The following PIR variants were observed in gnomAD, a reference collection of about 807,000 sequenced individuals.
The protein encoded by PIR is pirin (iron-binding nuclear protein).
In PIR, 22 loss-of-function variants were observed where a neutral mutation model predicts 24.2. That is an observed-to-expected ratio of 0.91 (90% CI 0.65 to 1.30). The LOEUF is 1.30. PIR is among the 50% of genes most tolerant of loss of function. PIR has a pLI of 0.00. For missense variants in PIR, 220 were observed against 220.3 expected (o/e 1.00, Z 0.01); for synonymous variants, 80 against 79.6 (o/e 1.00, Z -0.03).
intron 6 of PIR, among the ~76,000 whole-genome samples, chrX:15,424,137 A>T (rs113294342): frequency 0.039 from 4,395 of 112,608 alleles, 216 homozygotes; most frequent in African/African-American, 0.13. Flanking sequence ...TTGCAGCATT[A>T]TTCACAATGT....
chrX:15,430,216 G>GT (rs958974006), intron 5 of PIR, among the ~76,000 whole-genome samples: 78 of 107,772 alleles, frequency 7.2e-4, no homozygotes, highest in East Asian at 3.8e-3. Context: ...TAGTGAATTT[G>GT]TTTTTTTTTC....
chrX:15,476,331 AAAAT>A (rs1191680607), intron 3 of PIR, among the ~76,000 whole-genome samples: 1 of 112,371 alleles, frequency 8.9e-6, no homozygotes, highest in Non-Finnish European at 1.9e-5. Context: ...TTTTTATTAA[AAAAT>A]AAATAAATGG....
intron 6 of PIR, among the ~76,000 whole-genome samples, chrX:15,411,962 CT>C (rs962767671): frequency 5.4e-5 from 6 of 110,758 alleles, no homozygotes; most frequent in Non-Finnish European, 7.6e-5. Context: ...ATATGTCATT[CT>C]TTTTTTTTCT....
rs1394426942 is a variant in PIR, at chrX:15,493,064, A to T, written c.-53+126T>A. 2.7e-5 allele frequency: 3 copies of T among 112,673 alleles called. No individual in the cohort carries two copies. In the Admixed American group the frequency reaches 2.8e-4, roughly 10 times the overall value. 9.3% of individuals were successfully genotyped at this position (112,673 alleles called of 1,213,427 possible). A position where few individuals can be genotyped will look rare whatever the true frequency, so the allele number is the denominator to read the frequency against. On this transcript the variant is annotated intron_variant, in intron 1 of 9. Coordinates refer to ENST00000380420, the MANE Select transcript of PIR (RefSeq NM_001018109.3). ...TACCATTTTCACCAAATTTCGTAGT[A>T]CAATTTAAGTATCTCTTGTTATCTC...
intron 7 of PIR, among the ~76,000 whole-genome samples, chrX:15,405,948 A>G (rs1270431889): frequency 1.8e-5 from 2 of 112,967 alleles, no homozygotes; most frequent in African/African-American, 6.4e-5. Context: ...ATTTCAGGCA[A>G]TTGAACATCC....
chrX:15,398,669 GGTGTGTGTGTGTGTGT>G (rs371177726), intron 7 of PIR, among the ~76,000 whole-genome samples: 6 of 76,112 alleles, frequency 7.9e-5, no homozygotes, highest in African/African-American at 2.9e-4. Context: ...GAGGAGGGAG[GGTGTGTGTGTGTGTGT>G]GTGTGTGTGT....
intron 6 of PIR, among the ~76,000 whole-genome samples, chrX:15,414,825 A>T (rs1323523648): frequency 9.0e-6 from 1 of 111,333 alleles, no homozygotes; most frequent in Non-Finnish European, 1.9e-5. Context: ...AATATTTTTT[A>T]AAAGCCCCTG....
In PIR at chrX:15,390,193, A is replaced by T; in HGVS notation, c.752T>A (p.Ile251Asn). 8.9e-7 allele frequency: 1 copy of T among 1,128,608 alleles called. No homozygotes were observed. Among genetic ancestry groups the T allele is most frequent in the Non-Finnish European group, 1.2e-6 (1 of 833,496 alleles). 93.0% of individuals were successfully genotyped at this position (1,128,608 alleles called of 1,213,427 possible). A position where few individuals can be genotyped will look rare whatever the true frequency, so the allele number is the denominator to read the frequency against. ...TGTCATTTTGGTCTTACCATGTTGG[A>T]TAACTGGTTCTCTTAATGGCTCCCC... ...IAGEPLREPVIQHGPFVMNTN... is the reference protein window; with the variant it reads ...IAGEPLREPVNQHGPFVMNTN... The change falls in exon 9 of 10, where the codon ATC becomes AAC. Residue 251 changes from isoleucine (I) to asparagine (N), a missense_variant. Physicochemically the swap from Ile to Asn is moderately radical, Grantham distance 149. Coordinates refer to ENST00000380420, the MANE Select transcript of PIR (RefSeq NM_001018109.3).
chrX:15,492,771 C>T, intron 1 of PIR, among the ~76,000 whole-genome samples: 1 of 112,031 alleles, frequency 8.9e-6, no homozygotes, highest in Non-Finnish European at 1.9e-5. Flanking sequence ...CAATACCCTC[C>T]ACTTAGTCAA....
chrX:15,390,684 C>T (rs1368885921), intron 8 of PIR, among the ~76,000 whole-genome samples: 2 of 110,895 alleles, frequency 1.8e-5, no homozygotes, highest in Admixed American at 1.9e-4. Context: ...AAATATGCCC[C>T]GGAAATATTG....
chrX:15,422,435 C>T (rs927890735), intron 6 of PIR, among the ~76,000 whole-genome samples: 5 of 109,176 alleles, frequency 4.6e-5, no homozygotes, highest in South Asian at 7.7e-4. Context: ...AAAGACTCCA[C>T]CAAAAAAAAC....
chrX:15,484,345 C>T (rs1922692296), intron 2 of PIR, among the ~76,000 whole-genome samples: 1 of 76,565 alleles, frequency 1.3e-5, no homozygotes, highest in African/African-American at 5.0e-5. Flanking sequence ...GACAGGGTCT[C>T]ATTCTGTTGC....
chrX:15,440,080 T>C (rs752809007), intron 5 of PIR, among the ~76,000 whole-genome samples: 3 of 110,926 alleles, frequency 2.7e-5, no homozygotes, highest in East Asian at 2.8e-4. Context: ...CATACATCCA[T>C]GGGCACCCCT....
chrX:15,415,627 A>G (rs919345289), intron 6 of PIR, among the ~76,000 whole-genome samples: 1 of 112,046 alleles, frequency 8.9e-6, no homozygotes, highest in Non-Finnish European at 1.9e-5. Context: ...GAGGGAATAT[A>G]AAGTGTTCTT....
At chrX:15,420,399 T>C (rs957145218) in intron 6 of PIR, among the ~76,000 whole-genome samples, 3 of 111,486 alleles carry the variant, frequency 2.7e-5, no homozygotes, top group African/African-American at 6.5e-5. Flanking sequence ...GCTAGTGGGA[T>C]TGTGGAGAAA....
chrX:15,388,422 C>T (rs1329056257), intron 9 of PIR, among the ~76,000 whole-genome samples: 1 of 111,963 alleles, frequency 8.9e-6, no homozygotes, highest in African/African-American at 3.3e-5. Context: ...GTGAATCCAG[C>T]TATGTGACCT....
chrX:15,447,036 T>C (rs747326128), intron 5 of PIR, among the ~76,000 whole-genome samples: 2 of 112,478 alleles, frequency 1.8e-5, no homozygotes, highest in Non-Finnish European at 3.8e-5. Flanking sequence ...GGAGTACATA[T>C]ACCTGTCCAC....
chrX:15,446,743 A>G (rs1041317907), intron 5 of PIR, among the ~76,000 whole-genome samples: 1 of 111,147 alleles, frequency 9.0e-6, no homozygotes, highest in Non-Finnish European at 1.9e-5. Context: ...CTATCAGTTG[A>G]TATGTCTTTC....
intron 6 of PIR, 109 bp from the exon 7 acceptor site, chrX:15,407,659 T>C (rs1302669687): frequency 1.7e-6 from 1 of 579,383 alleles, no homozygotes; most frequent in Non-Finnish European, 3.0e-6. Flanking sequence ...AATCCTTTTT[T>C]TCCCTTTAGA....
Sources: allele counts gnomAD v4.1 joint callset (sites outside exome capture counted in the v4.1 genomes callset), GRCh38; gene constraint gnomAD v4.1.1; transcripts MANE v1.5; gene names NCBI Gene and HGNC (gene_info 2026-07-23, HGNC 2026-07-21).